KIAA1328: variants seen among roughly 807,000 people sequenced by gnomAD.
KIAA1328 encodes the protein protein hinderin.
Under a neutral mutation model 68.1 loss-of-function variants are expected in KIAA1328, and 52 were observed. The observed-to-expected ratio is 0.76, with a 90% CI of 0.61 to 0.96. The LOEUF is 0.96. Among genes scored for constraint, KIAA1328 ranks in the 40% least tolerant of loss-of-function variants. The pLI is 0.00. For missense variants in KIAA1328, 641 were observed against 677.6 expected (o/e 0.95, Z 0.60); for synonymous variants, 232 against 239.4 (o/e 0.97, Z 0.28).
intron 7 of KIAA1328, among the ~76,000 whole-genome samples, chr18:37,117,705 T>G (rs892158320): frequency 2.0e-5 from 3 of 152,108 alleles, no homozygotes; most frequent in African/African-American, 7.2e-5. Context: ...TGTATACTCC[T>G]GAAAACATGC....
intron 5 of KIAA1328, among the ~76,000 whole-genome samples, chr18:36,924,676 A>G (rs2050048084): frequency 6.6e-6 from 1 of 152,158 alleles, no homozygotes; most frequent in Admixed American, 6.6e-5. Context: ...GAATTTGGAT[A>G]AGATTGCCCA....
chr18:36,992,936 T>C (rs2053246923), intron 6 of KIAA1328, among the ~76,000 whole-genome samples: 1 of 152,070 alleles, frequency 6.6e-6, no homozygotes, highest in Non-Finnish European at 1.5e-5. Flanking sequence ...AAACCTCGTC[T>C]CTACAAAAAA....
chr18:36,958,503 G>A (rs1207288708), intron 5 of KIAA1328, among the ~76,000 whole-genome samples: 2 of 152,106 alleles, frequency 1.3e-5, no homozygotes, highest in African/African-American at 2.4e-5. Context: ...ATCCTTGTCA[G>A]TGCTTGTTTG....
intron 7 of KIAA1328, among the ~76,000 whole-genome samples, chr18:37,122,654 C>G (rs956673382): frequency 1.4e-5 from 2 of 146,128 alleles, no homozygotes; most frequent in Admixed American, 6.6e-5. Flanking sequence ...AACTATGTTG[C>G]AGTTGATGGG....
intron 5 of KIAA1328, 53 bp downstream of exon 5, chr18:36,885,725 T>C: frequency 8.5e-7 from 1 of 1,175,070 alleles, no homozygotes. Context: ...GACTATTTCT[T>C]TTTTTTTTTG....
At chr18:37,118,580 A>G (rs2058185306) in intron 7 of KIAA1328, among the ~76,000 whole-genome samples, 1 of 152,138 alleles carries the variant, frequency 6.6e-6, no homozygotes, top group African/African-American at 2.4e-5. Context: ...CAGTCACCCT[A>G]GCAGTATAGT....
chr18:37,193,623 C>A (rs930666639), intron 9 of KIAA1328: 2 of 702,506 alleles, frequency 2.8e-6, no homozygotes, highest in African/African-American at 3.5e-5. Flanking sequence ...TGCTTCCTTT[C>A]AAATCATTTC....
intron 6 of KIAA1328, among the ~76,000 whole-genome samples, chr18:37,054,296 A>G (rs925237500): frequency 6.6e-6 from 1 of 152,200 alleles, no homozygotes; most frequent in Non-Finnish European, 1.5e-5. Flanking sequence ...TTTACCTAGC[A>G]GTCTCACTAC....
chr18:37,079,406 A>G (rs900730978), intron 7 of KIAA1328, among the ~76,000 whole-genome samples: 2 of 142,868 alleles, frequency 1.4e-5, no homozygotes, highest in Non-Finnish European at 3.0e-5. Context: ...GGTGCAGCAC[A>G]CCAGCATGGC....
chr18:37,074,600 C>T lies in KIAA1328; in HGVS notation c.1232+7055C>T, dbSNP rs1015439396. ...TTGATCGCATCGGCTCCTGAGGCTT[C>T]TGCATTGTTCACGTAGTTCTTGAGT... On this transcript the variant is annotated intron_variant, in intron 7 of 9. Transcript: ENST00000280020. 1.7e-4 allele frequency among the ~76,000 whole-genome samples: 26 copies of T among 152,278 alleles called. 1 individual carries two copies. Among genetic ancestry groups the T allele is most frequent in the African/African-American group, 6.0e-4 (25 of 41,546 alleles).
At chr18:37,002,225 TTTC>T (rs1224921719) in intron 6 of KIAA1328, among the ~76,000 whole-genome samples, 5 of 127,288 alleles carry the variant, frequency 3.9e-5, no homozygotes, top group African/African-American at 2.8e-5. Context: ...TTCATTTTTT[TTTC>T]TTTTTTTTTT....
chr18:37,121,416 TTCTATCTATCTATCTATCTA>T (rs59343128), intron 7 of KIAA1328, among the ~76,000 whole-genome samples: 1 of 148,708 alleles, frequency 6.7e-6, no homozygotes, highest in African/African-American at 2.5e-5. Flanking sequence ...ATTTTAGGAC[TTCTATCTATCTATCTATCTA>T]TCTATCTATC....
At chr18:37,006,367 C>T (rs1379276819) in intron 6 of KIAA1328, among the ~76,000 whole-genome samples, 4 of 151,854 alleles carry the variant, frequency 2.6e-5, no homozygotes, top group Admixed American at 6.6e-5. Flanking sequence ...ACACATAAAA[C>T]AATAAAACAT....
chr18:36,895,830 GA>G, intron 5 of KIAA1328: 1 of 455,062 alleles, frequency 2.2e-6, no homozygotes, highest in Admixed American at 2.4e-5. Context: ...TGTTGTCCTA[GA>G]AGAAGAGCAG....
intron 7 of KIAA1328, among the ~76,000 whole-genome samples, chr18:37,134,589 G>A (rs1177823527): frequency 1.3e-5 from 2 of 152,306 alleles, no homozygotes; most frequent in Admixed American, 1.3e-4. Context: ...CTTCTGTGAT[G>A]TCACATGTTG....
intron 5 of KIAA1328, among the ~76,000 whole-genome samples, chr18:36,906,867 G>A (rs1178404191): frequency 1.3e-5 from 2 of 152,108 alleles, no homozygotes; most frequent in Non-Finnish European, 2.9e-5. Context: ...GTAAGATGCT[G>A]TAAAATTTTG....
chr18:37,180,517 C>G (rs1401995070), intron 9 of KIAA1328, among the ~76,000 whole-genome samples: 1 of 152,030 alleles, frequency 6.6e-6, no homozygotes, highest in Non-Finnish European at 1.5e-5. Context: ...GTTTTTATAA[C>G]TTGATAGAAA....
intron 9 of KIAA1328, among the ~76,000 whole-genome samples, chr18:37,195,775 A>G (rs1380894865): frequency 6.6e-6 from 1 of 152,140 alleles, no homozygotes; most frequent in African/African-American, 2.4e-5. Flanking sequence ...GGCTTTCTTT[A>G]GCTATTTGGG....
chr18:37,072,177 T>A (rs2056559314), intron 7 of KIAA1328, among the ~76,000 whole-genome samples: 1 of 152,146 alleles, frequency 6.6e-6, no homozygotes, highest in Admixed American at 6.5e-5. Flanking sequence ...TTTTTAGATC[T>A]CTGTTTATTC....
Sources: allele counts gnomAD v4.1 joint callset (sites outside exome capture counted in the v4.1 genomes callset), GRCh38; gene constraint gnomAD v4.1.1; transcripts MANE v1.5; gene names NCBI Gene and HGNC (gene_info 2026-07-23, HGNC 2026-07-21).